Variants in CRACR2A observed in about 807,000 individuals in gnomAD.
CRACR2A encodes EF-hand calcium-binding domain-containing protein 4B.
A neutral mutation model predicts 90.5 loss-of-function variants in CRACR2A; 79 were observed. The ratio of observed to expected loss-of-function variants is 0.87; its 90% CI spans 0.73 to 1.05. The LOEUF is 1.05. Among genes scored for constraint, CRACR2A ranks in the 50% least tolerant of loss-of-function variants. The pLI, the probability that CRACR2A is intolerant of heterozygous loss-of-function variation, is 0.00. For missense variants in CRACR2A, 823 were observed against 897.2 expected, an observed-to-expected ratio of 0.92 and a Z score of 1.06; for synonymous variants, 338 against 356.7, an observed-to-expected ratio of 0.95 and a Z score of 0.59.
intron 2 of CRACR2A, among the ~76,000 whole-genome samples, chr12:3,714,510 A>AAC (rs1591706824): frequency 6.6e-6 from 1 of 152,326 alleles, no homozygotes; most frequent in East Asian, 1.9e-4. Context: ...GCAGTGGGAA[A>AAC]ACAGGAGAGG....
chr12:3,681,392 G>A (rs1374454130), intron 4 of CRACR2A, among the ~76,000 whole-genome samples: 2 of 152,224 alleles, frequency 1.3e-5, no homozygotes, highest in Non-Finnish European at 2.9e-5. Flanking sequence ...AGCAGACTCA[G>A]ACCTCATAAG....
intron 2 of CRACR2A, chr12:3,729,885 T>A (rs1946333107): frequency 6.6e-6 from 1 of 152,240 alleles, no homozygotes; most frequent in South Asian, 2.1e-4. Context: ...TACCACTGCC[T>A]TGGGGGGTCT....
At chr12:3,643,436 G>A (rs1944609550) in intron 12 of CRACR2A, among the ~76,000 whole-genome samples, 1 of 152,096 alleles carries the variant, frequency 6.6e-6, no homozygotes, top group South Asian at 2.1e-4. Context: ...TTCCTCGCGT[G>A]ACAGCGGAGG....
At chr12:3,628,908 G>A (rs879470849) in intron 15 of CRACR2A, among the ~76,000 whole-genome samples, 1 of 152,194 alleles carries the variant, frequency 6.6e-6, no homozygotes, top group Non-Finnish European at 1.5e-5. Context: ...TAAGACCCAC[G>A]AGTGAGGAGA....
intron 15 of CRACR2A, among the ~76,000 whole-genome samples, chr12:3,631,442 C>T (rs1257249259): frequency 6.6e-6 from 1 of 152,162 alleles, no homozygotes; most frequent in Non-Finnish European, 1.5e-5. Flanking sequence ...CCCTGCCTCC[C>T]CCAGACCTGT....
chr12:3,670,303 C>T (rs758843806), intron 7 of CRACR2A, among the ~76,000 whole-genome samples: 4 of 151,954 alleles, frequency 2.6e-5, no homozygotes, highest in Non-Finnish European at 4.4e-5. Context: ...TGTGTGGAGG[C>T]GCCTGGGAGA....
At chr12:3,699,814 T>C (rs1289764468) in intron 3 of CRACR2A, among the ~76,000 whole-genome samples, 2 of 152,184 alleles carry the variant, frequency 1.3e-5, no homozygotes, top group African/African-American at 4.8e-5. Flanking sequence ...TCACTGATCA[T>C]TGCATGAAGG....
intron 2 of CRACR2A, among the ~76,000 whole-genome samples, chr12:3,717,893 A>G (rs1347247854): frequency 6.6e-6 from 1 of 152,156 alleles, no homozygotes. Context: ...ATGGATGAAG[A>G]GAGCCTTAGA....
intron 17 of CRACR2A, among the ~76,000 whole-genome samples, chr12:3,620,916 T>C (rs1198338825): frequency 6.6e-6 from 1 of 152,250 alleles, no homozygotes; most frequent in African/African-American, 2.4e-5. Context: ...AAGCCACTGA[T>C]GGCATATATG....
At chr12:3,641,666 G>A in intron 13 of CRACR2A, 66 bp downstream of exon 13, 1 of 1,421,040 alleles carries the variant, frequency 7.0e-7, no homozygotes, top group Non-Finnish European at 9.7e-7. Context: ...CACTGAGTAT[G>A]GGCCCAGAGC....
chr12:3,635,897 T>A (rs1944446082), intron 14 of CRACR2A, among the ~76,000 whole-genome samples: 1 of 152,242 alleles, frequency 6.6e-6, no homozygotes, highest in Non-Finnish European at 1.5e-5. Flanking sequence ...CTTTATATCA[T>A]CTTTGTTTTA....
At position 3,633,994 on chromosome 12, in the gene CRACR2A, C is replaced by T. The variant is rs1944417739; in HGVS notation, c.1603-258G>A. On this transcript the variant is annotated intron_variant, in intron 14 of 19. Transcript: ENST00000440314. The surrounding 1 kb of genome is among the most constrained non-coding windows in gnomAD (Gnocchi z 4.5). ...GACATTTGCTGTCTGCCTCCTGTGG[C>T]AGGGAGGCAGAGGCCAACCCTGGAT... Among the ~76,000 whole-genome samples, 1 of 152,152 alleles carries T rather than the reference C, an allele frequency of 6.6e-6. No individual in the cohort carries two copies. The highest frequency in any genetic ancestry group is 6.5e-5 in the Admixed American group (1 of 15,282).
chr12:3,645,864 G>A (rs1944675963), intron 11 of CRACR2A, among the ~76,000 whole-genome samples: 1 of 152,190 alleles, frequency 6.6e-6, no homozygotes. Flanking sequence ...AAACATTAGA[G>A]TACATTTGTA....
intron 8 of CRACR2A, 99 bp downstream of exon 8, chr12:3,659,465 A>C: frequency 1.1e-6 from 1 of 929,960 alleles, no homozygotes; most frequent in South Asian, 1.5e-5. Flanking sequence ...GAGGGAATCA[A>C]TAGTGCATGG....
At chr12:3,647,479 A>G (rs1452158085) in intron 11 of CRACR2A, among the ~76,000 whole-genome samples, 1 of 152,076 alleles carries the variant, frequency 6.6e-6, no homozygotes, top group Non-Finnish European at 1.5e-5. Flanking sequence ...TCTAAATGCA[A>G]TAGAAAAAAA....
intron 7 of CRACR2A, chr12:3,672,651 G>T: frequency 3.3e-6 from 2 of 597,078 alleles, no homozygotes; most frequent in Non-Finnish European, 4.2e-6. Context: ...ACTATGAACA[G>T]CACAGTGCCC....
chr12:3,716,776 A>G (rs1337863510), intron 2 of CRACR2A, among the ~76,000 whole-genome samples: 2 of 152,116 alleles, frequency 1.3e-5, no homozygotes, highest in African/African-American at 2.4e-5. Flanking sequence ...TTTTGCTTCA[A>G]TTTTAGCAGA....
chr12:3,697,050 T>G lies in CRACR2A; in HGVS notation c.-36-15A>C. On this transcript the variant is annotated splice_polypyrimidine_tract_variant and intron_variant, in intron 3 of 19. Transcript: ENST00000440314. ...TTTTTCAGAACCTGAACATAGAAAA[T>G]GGGAGAGAGAAGTGGGTGTGGTGGG... 2 of 1,546,888 alleles carry G rather than the reference T, an allele frequency of 1.3e-6. No individual in the cohort carries two copies. The highest frequency in any genetic ancestry group is 1.7e-6 in the Non-Finnish European group (2 of 1,143,528).
intron 4 of CRACR2A, among the ~76,000 whole-genome samples, chr12:3,696,436 T>C (rs547365105): frequency 6.6e-6 from 1 of 152,362 alleles, no homozygotes; most frequent in East Asian, 1.9e-4. Context: ...GACTTTGTTA[T>C]AACTCAAGTT....
Sources: allele counts gnomAD v4.1 joint callset (sites outside exome capture counted in the v4.1 genomes callset), GRCh38; gene constraint gnomAD v4.1.1; non-coding constraint Gnocchi (gnomAD v3.1); transcripts MANE v1.5; gene names NCBI Gene and HGNC (gene_info 2026-07-23, HGNC 2026-07-21).